The following LTBP2 variants were observed in gnomAD, a reference collection of about 807,000 sequenced individuals.
LTBP2 encodes latent transforming growth factor beta binding protein 2.
Under a neutral mutation model 210.6 loss-of-function variants are expected in LTBP2, and 103 were observed. The observed-to-expected ratio is 0.49, with a 90% CI of 0.42 to 0.58. The LOEUF is 0.58. Among genes scored for constraint, LTBP2 ranks in the 20% least tolerant of loss-of-function variants. The pLI is 0.00. For synonymous variants in LTBP2, 1,007 were observed against 1,015.0 expected, an observed-to-expected ratio of 0.99 and a Z score of 0.15; for missense variants, 2,313 against 2,494.5, an observed-to-expected ratio of 0.93 and a Z score of 1.55.
intron 2 of LTBP2, among the ~76,000 whole-genome samples, chr14:74,597,513 C>A (rs1052090700): frequency 5.9e-5 from 9 of 152,202 alleles, no homozygotes; most frequent in African/African-American, 2.2e-4. Flanking sequence ...CAAGCATGTA[C>A]AAAGGACACA....
At chr14:74,549,262 C>A (rs531349807) in intron 8 of LTBP2, among the ~76,000 whole-genome samples, 1 of 152,376 alleles carries the variant, frequency 6.6e-6, no homozygotes, top group Non-Finnish European at 1.5e-5. Flanking sequence ...CTTGCTCACT[C>A]CTGAAATTGC....
rs558089942 is a variant in LTBP2 at position 74,500,638 on chromosome 14, G to A, written c.*246C>T. The A allele has an allele frequency of 2.6e-4, 151 of 587,164 alleles. 4 individuals are homozygous for A. In the Admixed American group the frequency reaches 3.9e-3, roughly 15 times the overall value. The allele number at this position is 587,164 out of a possible 1,614,324, so 36.4% of individuals were successfully genotyped here. A position where few individuals can be genotyped will look rare whatever the true frequency, so the allele number is the denominator to read the frequency against. ...CCATAGCAAGGCCAGGAAAGGTGGT[G>A]GACAGGGCCTCATGCGGTGGCTGAA... On this transcript the variant is annotated 3_prime_UTR_variant, in exon 36 of 36. Transcript: ENST00000261978.
Position 74,501,461 on chromosome 14 carries a change from G to T in LTBP2, c.5300C>A (p.Ala1767Glu). Residue 1767 changes from alanine to glutamate, a missense_variant, in exon 35 of 36, where the codon GCG (alanine) becomes GAG (glutamate). Around this residue, in one of 3 missense-constraint regions of LTBP2, gnomAD observed 443 missense variants for 501.4 expected, o/e 0.88. Coordinates refer to ENST00000261978, the MANE Select transcript of LTBP2 (RefSeq NM_000428.3). ...CTTACCTACGCAGGCCATGTGGGCC[G>T]CATCCAGCTGGAAGCCCTCAAAACA... Reference protein sequence around the residue: ...CDCFEGFQLDAAHMACVDVNE... With the variant: ...CDCFEGFQLDEAHMACVDVNE... 6.2e-7 allele frequency: 1 copy of T among 1,614,120 alleles called. No individual in the cohort carries two copies. The highest frequency in any genetic ancestry group is 8.5e-7 in the Non-Finnish European group (1 of 1,180,012).
chr14:74,503,863 G>T, intron 31 of LTBP2, 63 bp downstream of exon 31: 1 of 1,603,756 alleles, frequency 6.2e-7, no homozygotes, highest in Non-Finnish European at 8.5e-7. Context: ...GCTGGCAGGG[G>T]CTGGGTGGGC....
chr14:74,590,499 G>C (rs1025954593), intron 2 of LTBP2, among the ~76,000 whole-genome samples: 11 of 152,168 alleles, frequency 7.2e-5, no homozygotes, highest in Admixed American at 6.5e-4. Flanking sequence ...CAGCTACTCG[G>C]GAGGCTGAGG....
chr14:74,534,105 G>A (rs965998886), intron 9 of LTBP2, among the ~76,000 whole-genome samples: 4 of 152,182 alleles, frequency 2.6e-5, no homozygotes, highest in African/African-American at 9.6e-5. Context: ...ATAAGAGCTG[G>A]GAAGGTGCTA....
intron 3 of LTBP2, chr14:74,560,112 C>T (rs936228393): frequency 6.6e-6 from 1 of 152,108 alleles, no homozygotes; most frequent in African/African-American, 2.4e-5. Context: ...GATTTTGGAA[C>T]AAAATTGGGG....
intron 3 of LTBP2, among the ~76,000 whole-genome samples, chr14:74,576,091 G>C (rs1185664567): frequency 6.6e-6 from 1 of 152,212 alleles, no homozygotes; most frequent in Admixed American, 6.5e-5. Flanking sequence ...TCAGGGGAGA[G>C]GCATTGCCCT....
chr14:74,522,359 G>C (rs1332546389), intron 16 of LTBP2, among the ~76,000 whole-genome samples: 3 of 152,100 alleles, frequency 2.0e-5, no homozygotes, highest in Non-Finnish European at 4.4e-5. Flanking sequence ...GAAAATATTG[G>C]GGGGAGGAGG....
At chr14:74,503,659 A>G (rs1595237621) in intron 31 of LTBP2, 53 bp from the exon 32 acceptor site, 1 of 1,605,340 alleles carries the variant, frequency 6.2e-7, no homozygotes, top group Non-Finnish European at 8.5e-7. Context: ...TCCACCAACC[A>G]CCCTCAGGGA....
At chr14:74,523,063 C>T (rs1345359683) in intron 15 of LTBP2, 145 bp from the exon 16 acceptor site, 2 of 999,266 alleles carry the variant, frequency 2.0e-6, no homozygotes, top group East Asian at 2.6e-5. Context: ...TACCCATGCA[C>T]AGCTTGGCCT....
Position 74,525,136 on chromosome 14 carries a change from G to T in LTBP2, c.2518C>A (p.Leu840Met), listed in dbSNP as rs1186442354. ...TGGCTGCAGCTACCTGGGGTGCTCA[G>T]GGTCACCAGCACATCAGTGGAGGGG... is the stretch of plus-strand genomic sequence containing the variant. ...VTPSTDVLVT[L>M]STPGIDRCAA... is the part of the protein sequence containing the mutation. The change falls in exon 15 of 36, where the codon CTG (leucine) becomes ATG (methionine). Residue 840 changes from leucine to methionine, a missense_variant. Physicochemically the swap from Leu to Met is conservative, Grantham distance 15 (BLOSUM62 2). Coordinates refer to ENST00000261978, the MANE Select transcript of LTBP2 (RefSeq NM_000428.3). 7.5e-7 allele frequency: 1 copy of T among 1,330,666 alleles called. No homozygotes were observed. The highest frequency in any genetic ancestry group is 9.7e-7 in the Non-Finnish European group (1 of 1,030,930). 82.4% of individuals were successfully genotyped at this position (1,330,666 alleles called of 1,614,324 possible).
chr14:74,594,815 C>T (rs1255410992), intron 2 of LTBP2, among the ~76,000 whole-genome samples: 1 of 152,192 alleles, frequency 6.6e-6, no homozygotes, highest in African/African-American at 2.4e-5. Context: ...TCGGAATCCA[C>T]CCTCGGAATC....
At chr14:74,531,317 C>G (rs1045876834) in intron 10 of LTBP2, among the ~76,000 whole-genome samples, 1 of 152,184 alleles carries the variant, frequency 6.6e-6, no homozygotes, top group Non-Finnish European at 1.5e-5. Context: ...TCTCTGCTTC[C>G]CTGTATTAAG....
At chr14:74,546,734 C>T (rs895796970) in intron 8 of LTBP2, among the ~76,000 whole-genome samples, 15 of 152,346 alleles carry the variant, frequency 9.8e-5, no homozygotes, top group African/African-American at 3.1e-4. Context: ...CCGTGCCCAC[C>T]GCCACTGGGC....
intron 13 of LTBP2, among the ~76,000 whole-genome samples, chr14:74,527,088 C>T (rs953215978): frequency 6.6e-6 from 1 of 152,230 alleles, no homozygotes; most frequent in Admixed American, 6.5e-5. Context: ...TCTGAAGGGG[C>T]CCCAGCCCAT....
chr14:74,501,614 G>T, intron 34 of LTBP2, 24 bp from the exon 35 acceptor site: 2 of 1,613,660 alleles, frequency 1.2e-6, no homozygotes, highest in Middle Eastern at 1.7e-4. Context: ...ATCGGAGAGA[G>T]GAGGAGGCTG....
chr14:74,552,035 CTT>C, intron 6 of LTBP2, 150 bp downstream of exon 6: 2 of 753,082 alleles, frequency 2.7e-6, no homozygotes, highest in Non-Finnish European at 4.5e-6. Context: ...GGGAATGAAA[CTT>C]AGCGCTGAGG....
rs1337105173 is a variant in LTBP2, at chr14:74,612,131, C to G, written c.-187G>C. ...AACGAGGGCTGCGCGCCCCGAGCCT[C>G]GAGTCCGCGCTCCTACTCCAGCTGG... On this transcript the variant is annotated 5_prime_UTR_variant, in exon 1 of 36. Coordinates refer to ENST00000261978, the MANE Select transcript of LTBP2 (RefSeq NM_000428.3). 7 of 577,758 alleles carry G rather than the reference C, an allele frequency of 1.2e-5. No individual in the cohort carries two copies. The highest frequency in any genetic ancestry group is 9.2e-4 in the Middle Eastern group (2 of 2,164). 35.8% of individuals were successfully genotyped at this position (577,758 alleles called of 1,614,324 possible).
Sources: allele counts gnomAD v4.1 joint callset (sites outside exome capture counted in the v4.1 genomes callset), GRCh38; gene constraint gnomAD v4.1.1; regional missense constraint gnomAD v4.1.1; transcripts MANE v1.5; gene names NCBI Gene and HGNC (gene_info 2026-07-23, HGNC 2026-07-21).